The following COL14A1 variants were observed in gnomAD, a reference collection of about 807,000 sequenced individuals.
COL14A1 encodes collagen type XIV alpha 1 chain, also known as collagen alpha-1(XIV) chain.
A neutral mutation model predicts 230.3 loss-of-function variants in COL14A1; 136 were observed. The observed-to-expected ratio is 0.59, with a 90% CI of 0.51 to 0.68. COL14A1 has a LOEUF of 0.68. Among genes scored for constraint, COL14A1 ranks in the 30% least tolerant of loss-of-function variants. The pLI is 0.00. For synonymous variants in COL14A1, 792 were observed against 784.1 expected, an observed-to-expected ratio of 1.01 and a Z score of -0.17; for missense variants, 1,976 against 2,215.8, an observed-to-expected ratio of 0.89 and a Z score of 2.17.
intron 23 of COL14A1, among the ~76,000 whole-genome samples, chr8:120,255,957 A>G (rs935121842): frequency 2.6e-5 from 4 of 152,264 alleles, no homozygotes; most frequent in Middle Eastern, 3.4e-3. Flanking sequence ...TTCATTAAAA[A>G]TATCGAGAAC....
intron 45 of COL14A1, among the ~76,000 whole-genome samples, chr8:120,347,084 G>A (rs1360746615): frequency 6.6e-6 from 1 of 152,126 alleles, no homozygotes; most frequent in Non-Finnish European, 1.5e-5. Context: ...GTGACTCAGT[G>A]AGCACAGAGC....
rs137860672 is a variant in COL14A1 at position 120,271,253 on chromosome 8, C to T, written c.3213+1079C>T. 6.6e-5 allele frequency among the ~76,000 whole-genome samples: 10 copies of T among 151,332 alleles called. No individual in the cohort carries two copies. The East Asian group carries it at 7.8e-4, about 12-fold the overall frequency. On this transcript the variant is annotated intron_variant, in intron 26 of 47. Transcript: ENST00000297848. ...TGGAGGGTAGGAGGATAGTGAGGAT[C>T]GAAAAATTACCTGTCAGGTAACATG...
chr8:120,255,902 T>C (rs1294216135), intron 23 of COL14A1, among the ~76,000 whole-genome samples: 1 of 152,040 alleles, frequency 6.6e-6, no homozygotes, highest in Non-Finnish European at 1.5e-5. Context: ...CATCCACAAT[T>C]TGGGACTTGT....
At chr8:120,172,146 T>G (rs1263785690) in intron 5 of COL14A1, among the ~76,000 whole-genome samples, 4 of 80,134 alleles carry the variant, frequency 5.0e-5, no homozygotes, top group Non-Finnish European at 9.4e-5. Context: ...GTTAAATTCT[T>G]TTGTTTGTTT....
intron 4 of COL14A1, among the ~76,000 whole-genome samples, chr8:120,166,942 T>G (rs926542858): frequency 1.8e-4 from 24 of 136,676 alleles, no homozygotes; most frequent in African/African-American, 6.0e-4. Flanking sequence ...ATGGTGGTGG[T>G]GGGGGTGCTC....
chr8:120,265,852 C>T (rs1819486796), intron 24 of COL14A1, among the ~76,000 whole-genome samples: 1 of 151,988 alleles, frequency 6.6e-6, no homozygotes, highest in Non-Finnish European at 1.5e-5. Context: ...GACCTTACAG[C>T]TCACCTCTTA....
chr8:120,215,740 G>A (rs949752924), intron 13 of COL14A1, among the ~76,000 whole-genome samples: 5 of 152,232 alleles, frequency 3.3e-5, no homozygotes, highest in Admixed American at 2.0e-4. Context: ...AGTGGGTTGC[G>A]AGAGAAAGAG....
intron 13 of COL14A1, among the ~76,000 whole-genome samples, chr8:120,215,818 G>A (rs1016360353): frequency 6.6e-6 from 1 of 152,162 alleles, no homozygotes; most frequent in Non-Finnish European, 1.5e-5. Flanking sequence ...TGCTCAGAGG[G>A]GAAGACTGAG....
rs1372137364 is a variant in COL14A1, at chr8:120,197,834, C to T, written c.616C>T (p.Pro206Ser). 1.9e-6 allele frequency: 3 copies of T among 1,613,268 alleles called. No individual in the cohort carries two copies. The highest frequency in any genetic ancestry group is 2.2e-5 in the East Asian group (1 of 44,850). The change falls in exon 7 of 48, where the codon CCC (proline) becomes TCC (serine). Residue 206 changes from proline to serine, a missense_variant. Physicochemically the swap from Pro to Ser is moderately conservative, Grantham distance 74. Coordinates refer to ENST00000297848, the MANE Select transcript of COL14A1 (RefSeq NM_021110.4). ...AGGTCTTGCACAGTATAGTGGTGAC[C>T]CCAGAATAGAATGGCACTTGAATGC... ...RIGLAQYSGD[P>S]RIEWHLNAFS... is the part of the protein sequence containing the mutation.
intron 37 of COL14A1, among the ~76,000 whole-genome samples, chr8:120,312,649 A>G (rs1335390385): frequency 6.6e-6 from 1 of 152,152 alleles, no homozygotes; most frequent in Non-Finnish European, 1.5e-5. Flanking sequence ...ACCTATAAAT[A>G]TATTTTCAAC....
intron 40 of COL14A1, among the ~76,000 whole-genome samples, chr8:120,323,233 T>A (rs1445806129): frequency 6.6e-6 from 1 of 152,214 alleles, no homozygotes; most frequent in Non-Finnish European, 1.5e-5. Flanking sequence ...GAAATGTCTG[T>A]TCATATCCTT....
intron 47 of COL14A1, chr8:120,370,649 C>T: frequency 6.9e-7 from 1 of 1,453,260 alleles, no homozygotes; most frequent in African/African-American, 1.4e-5. Context: ...TGATCGTGTG[C>T]CAAGAATTTA....
At chr8:120,284,509 A>G (rs1334450930) in intron 32 of COL14A1, among the ~76,000 whole-genome samples, 5 of 152,222 alleles carry the variant, frequency 3.3e-5, no homozygotes, top group African/African-American at 4.8e-5. Flanking sequence ...TAGGATTCCA[A>G]TGAACCTAGG....
intron 34 of COL14A1, among the ~76,000 whole-genome samples, chr8:120,292,534 C>T (rs935610494): frequency 6.6e-6 from 1 of 152,076 alleles, no homozygotes; most frequent in Non-Finnish European, 1.5e-5. Flanking sequence ...GAAACTCAGA[C>T]TTGCTTTTTG....
At chr8:120,207,140 A>G in intron 10 of COL14A1, 46 bp downstream of exon 10, 1 of 1,506,516 alleles carries the variant, frequency 6.6e-7, no homozygotes, top group Non-Finnish European at 9.0e-7. Context: ...TATTCTCTCA[A>G]GTCTTCTACA....
At chr8:120,367,042 C>G (rs994472390) in intron 45 of COL14A1, 129 bp from the exon 46 acceptor site, 2 of 628,810 alleles carry the variant, frequency 3.2e-6, no homozygotes, top group Admixed American at 6.2e-5. Context: ...TCCCATGGTA[C>G]TCATAACCCC....
chr8:120,264,842 G>A (rs1228518692), intron 24 of COL14A1, among the ~76,000 whole-genome samples: 4 of 152,150 alleles, frequency 2.6e-5, no homozygotes, highest in Non-Finnish European at 4.4e-5. Flanking sequence ...GCGCTTATTC[G>A]TTGCTCACCT....
At chr8:120,166,799 T>G (rs1294086683) in intron 4 of COL14A1, among the ~76,000 whole-genome samples, 7 of 151,444 alleles carry the variant, frequency 4.6e-5, no homozygotes, top group Non-Finnish European at 1.5e-5. Context: ...GCCCAAAGAA[T>G]GCGAATGAAA....
At chr8:120,300,906 T>G (rs1820691006) in intron 36 of COL14A1, 88 bp downstream of exon 36, 11 of 1,000,752 alleles carry the variant, frequency 1.1e-5, no homozygotes, top group Non-Finnish European at 1.5e-5. Context: ...TCTACTGTAC[T>G]AAATGGCTAT....
Sources: gnomAD v4.1 joint callset for allele counts (sites outside exome capture counted in the v4.1 genomes callset) on GRCh38, gnomAD v4.1.1 for gene constraint, MANE v1.5 for transcripts, NCBI Gene and HGNC (gene_info 2026-07-23, HGNC 2026-07-21) for gene names.